The following TNNI3K variants were observed in gnomAD, a reference collection of about 807,000 sequenced individuals.
The protein encoded by TNNI3K is serine/threonine-protein kinase TNNI3K.
TNNI3K carries 140 observed loss-of-function variants against 114.5 expected under a neutral mutation model. The observed-to-expected ratio is 1.22, with a 90% CI of 1.07 to 1.41. TNNI3K has a LOEUF of 1.41. Among genes scored for constraint, TNNI3K ranks in the 40% most tolerant of loss-of-function variants. The pLI, the probability that TNNI3K is intolerant of heterozygous loss-of-function variation, is 0.00. For missense variants in TNNI3K, 1,125 were observed against 1,007.6 expected, an observed-to-expected ratio of 1.12 and a Z score of -1.58; for synonymous variants, 347 against 347.5, an observed-to-expected ratio of 1.00 and a Z score of 0.02.
chr1:74,342,234 T>C (rs1660781913), intron 7 of TNNI3K, among the ~76,000 whole-genome samples: 1 of 152,190 alleles, frequency 6.6e-6, no homozygotes, highest in African/African-American at 2.4e-5. Context: ...TGTCTACTAC[T>C]GAATGAAGAA....
chr1:74,326,941 C>T (rs540590305), intron 5 of TNNI3K, among the ~76,000 whole-genome samples: 12 of 151,910 alleles, frequency 7.9e-5, no homozygotes, highest in East Asian at 1.9e-4. Context: ...ATTAGCTGGG[C>T]GTGGTGGTGC....
At chr1:74,303,972 A>T (rs1303019167) in intron 5 of TNNI3K, among the ~76,000 whole-genome samples, 1 of 152,342 alleles carries the variant, frequency 6.6e-6, no homozygotes. Flanking sequence ...GCCTGAAGGT[A>T]TGATTGAATT....
At chr1:74,370,832 G>GGT (rs1332524314) in intron 17 of TNNI3K, 28 of 152,196 alleles carry the variant, frequency 1.8e-4, no homozygotes, top group African/African-American at 5.8e-4. Context: ...TAGTTATCAG[G>GGT]TAAAGAGGAT....
chr1:74,408,996 A>C (rs1664753210), intron 17 of TNNI3K, among the ~76,000 whole-genome samples: 1 of 152,036 alleles, frequency 6.6e-6, no homozygotes, highest in Non-Finnish European at 1.5e-5. Context: ...ATATAACAAA[A>C]AAAAAAAAAA....
chr1:74,240,006 G>A, intron 2 of TNNI3K: 1 of 469,438 alleles, frequency 2.1e-6, no homozygotes, highest in South Asian at 1.6e-5. Context: ...GGCAGGAGGA[G>A]AAAGAAAGAC....
intron 11 of TNNI3K, among the ~76,000 whole-genome samples, chr1:74,364,661 G>T (rs555801080): frequency 3.7e-4 from 56 of 151,976 alleles, no homozygotes; most frequent in African/African-American, 1.3e-3. Context: ...TTAAGAGATA[G>T]ATTATCCTGG....
chr1:74,384,671 A>G (rs2100555171), intron 17 of TNNI3K, among the ~76,000 whole-genome samples: 1 of 152,282 alleles, frequency 6.6e-6, no homozygotes, highest in South Asian at 2.1e-4. Flanking sequence ...TTGGCTTGTC[A>G]CAGTCAAATT....
At chr1:74,258,349 C>CTTAA (rs1655458517) in intron 4 of TNNI3K, among the ~76,000 whole-genome samples, 1 of 152,178 alleles carries the variant, frequency 6.6e-6, no homozygotes, top group Non-Finnish European at 1.5e-5. Flanking sequence ...CATTTACACT[C>CTTAA]TTAACTCAGT....
chr1:74,422,855 G>A (rs998915051), intron 17 of TNNI3K, among the ~76,000 whole-genome samples: 8 of 152,078 alleles, frequency 5.3e-5, no homozygotes, highest in Admixed American at 1.3e-4. Flanking sequence ...TGGATAGCTC[G>A]TAGACATCTT....
chr1:74,266,542 C>T (rs1172159680), intron 4 of TNNI3K, among the ~76,000 whole-genome samples: 1 of 151,946 alleles, frequency 6.6e-6, no homozygotes, highest in Non-Finnish European at 1.5e-5. Flanking sequence ...GAATGCTCAC[C>T]ATGTTTTAAA....
rs369659425 is a variant in TNNI3K, at chr1:74,383,981, G to A, written c.1772+13589G>A. On this transcript the variant is annotated intron_variant, in intron 17 of 24. Coordinates refer to ENST00000326637, the MANE Select transcript of TNNI3K (RefSeq NM_015978.3). Reference sequence around the variant, plus strand: ...AGATAGTTAGGTAATCCAAAATATAGGAATGTATAGTCATTTAGCCCCACA... The same window carrying A: ...AGATAGTTAGGTAATCCAAAATATAAGAATGTATAGTCATTTAGCCCCACA... Among the ~76,000 whole-genome samples the A allele has an allele frequency of 9.2e-5, 14 of 152,068 alleles. No homozygotes were observed. In the East Asian group the frequency reaches 2.7e-3, roughly 30 times the overall value.
chr1:74,411,592 A>T (rs917804387), intron 17 of TNNI3K, among the ~76,000 whole-genome samples: 1 of 151,960 alleles, frequency 6.6e-6, no homozygotes, highest in Non-Finnish European at 1.5e-5. Flanking sequence ...CTGCTAATGC[A>T]TTTATTCACT....
At chr1:74,484,450 T>C (rs1010497499) in intron 21 of TNNI3K, among the ~76,000 whole-genome samples, 5 of 152,140 alleles carry the variant, frequency 3.3e-5, no homozygotes, top group Non-Finnish European at 7.4e-5. Context: ...ATATAAACAA[T>C]AAACAAATAA....
At chr1:74,320,968 T>A (rs1401089541) in intron 5 of TNNI3K, among the ~76,000 whole-genome samples, 1 of 152,074 alleles carries the variant, frequency 6.6e-6, no homozygotes, top group East Asian at 1.9e-4. Context: ...ATAGGTGCAA[T>A]GTGAGGAGGA....
chr1:74,277,348 T>C (rs1656745946), intron 5 of TNNI3K, among the ~76,000 whole-genome samples: 1 of 152,058 alleles, frequency 6.6e-6, no homozygotes, highest in African/African-American at 2.4e-5. Context: ...AAAAGAGCGA[T>C]TACTCCCCAG....
intron 5 of TNNI3K, among the ~76,000 whole-genome samples, chr1:74,309,479 A>G (rs1658859440): frequency 6.6e-6 from 1 of 151,938 alleles, no homozygotes; most frequent in Non-Finnish European, 1.5e-5. Context: ...CACCTTGGAT[A>G]CCAAAATCTG....
At chr1:74,272,591 A>G (rs907573732) in intron 5 of TNNI3K, among the ~76,000 whole-genome samples, 2 of 151,822 alleles carry the variant, frequency 1.3e-5, no homozygotes, top group Admixed American at 1.3e-4. Flanking sequence ...GAGTGGAGTG[A>G]GCGGAGGAAG....
intron 21 of TNNI3K, 117 bp from the exon 22 acceptor site, chr1:74,489,072 A>C: frequency 1.3e-6 from 1 of 787,298 alleles, no homozygotes; most frequent in Non-Finnish European, 2.0e-6. Context: ...TTTTAAATAA[A>C]AATATACTTT....
intron 23 of TNNI3K, among the ~76,000 whole-genome samples, chr1:74,536,327 C>G (rs527403699): frequency 6.6e-6 from 1 of 152,266 alleles, no homozygotes; most frequent in South Asian, 2.1e-4. Flanking sequence ...AAATGGCATG[C>G]ACACTCCAAA....
Sources: gnomAD v4.1 joint callset for allele counts (sites outside exome capture counted in the v4.1 genomes callset) on GRCh38, gnomAD v4.1.1 for gene constraint, MANE v1.5 for transcripts, NCBI Gene and HGNC (gene_info 2026-07-23, HGNC 2026-07-21) for gene names.